FARP2: variants seen among roughly 807,000 people sequenced by gnomAD.
FARP2 encodes the protein FERM, ARH/RhoGEF and pleckstrin domain protein 2.
FARP2 carries 111 observed loss-of-function variants against 130.5 expected under a neutral mutation model. The observed-to-expected ratio is 0.85, with a 90% CI of 0.73 to 1.00. The LOEUF is 1.00. Among genes scored for constraint, FARP2 ranks in the 50% least tolerant of loss-of-function variants. FARP2 has a pLI of 0.00. For synonymous variants in FARP2, 504 were observed against 516.9 expected, an observed-to-expected ratio of 0.98 and a Z score of 0.34; for missense variants, 1,385 against 1,346.3, an observed-to-expected ratio of 1.03 and a Z score of -0.45.
intron 19 of FARP2, among the ~76,000 whole-genome samples, chr2:241,481,233 A>C (rs2064608050): frequency 6.6e-6 from 1 of 152,172 alleles, no homozygotes; most frequent in Admixed American, 6.5e-5. Context: ...AAAACAAAAA[A>C]ATAAATGGAC....
At chr2:241,442,559 A>G (rs1312495987) in intron 13 of FARP2, 1 of 436,568 alleles carries the variant, frequency 2.3e-6, no homozygotes, top group African/African-American at 2.0e-5. Context: ...TTACAAGGCA[A>G]CCCACTCACC....
intron 7 of FARP2, among the ~76,000 whole-genome samples, chr2:241,416,972 CA>C (rs1376757722): frequency 1.3e-5 from 2 of 151,812 alleles, no homozygotes; most frequent in African/African-American, 2.4e-5. Flanking sequence ...TTATAAGACA[CA>C]AGTGTTTCAG....
At chr2:241,386,589 C>T (rs2150320837) in intron 2 of FARP2, among the ~76,000 whole-genome samples, 1 of 152,346 alleles carries the variant, frequency 6.6e-6, no homozygotes, top group East Asian at 1.9e-4. Context: ...GCCCCCTGGG[C>T]ATGTGCAGCT....
At chr2:241,381,798 A>T (rs2061669228) in intron 2 of FARP2, among the ~76,000 whole-genome samples, 1 of 152,202 alleles carries the variant, frequency 6.6e-6, no homozygotes, top group African/African-American at 2.4e-5. Context: ...TTCACAGATT[A>T]TGTGTTCACA....
At chr2:241,436,856 C>T (rs763684853) in intron 12 of FARP2, among the ~76,000 whole-genome samples, 14 of 152,164 alleles carry the variant, frequency 9.2e-5, no homozygotes, top group Middle Eastern at 3.4e-3. Flanking sequence ...ATGATGGTGG[C>T]GCACGGGTAG....
At chr2:241,406,168 C>T (rs560583094) in intron 4 of FARP2, among the ~76,000 whole-genome samples, 1 of 150,458 alleles carries the variant, frequency 6.6e-6, no homozygotes, top group South Asian at 2.1e-4. Flanking sequence ...GGTGTAGGGG[C>T]ATGGTGGGGG....
At chr2:241,372,775 G>GT (rs2061451900) in intron 1 of FARP2, 1 of 161,454 alleles carries the variant, frequency 6.2e-6, no homozygotes, top group African/African-American at 2.4e-5. Flanking sequence ...TGCTGGGTGG[G>GT]TGGGTGGTGG....
In FARP2 at chr2:241,434,573, C is replaced by T. The variant is rs1237930185; in HGVS notation, c.1031+252C>T. Among the ~76,000 whole-genome samples the T allele has an allele frequency of 5.3e-5, 8 of 152,300 alleles. No homozygotes were observed. In the South Asian group the frequency reaches 8.3e-4, roughly 16 times the overall value. Reference sequence around the variant, plus strand: ...ATAACTTTAAAATATGTATGTGGGCCGAGCCCGGTGGCTCACACCTGTAAT... The same window carrying T: ...ATAACTTTAAAATATGTATGTGGGCTGAGCCCGGTGGCTCACACCTGTAAT... On this transcript the variant is annotated intron_variant, in intron 10 of 26. Coordinates refer to ENST00000264042, the MANE Select transcript of FARP2 (RefSeq NM_014808.4).
At chr2:241,473,781 G>T (rs202216111) in intron 18 of FARP2, among the ~76,000 whole-genome samples, 1 of 152,302 alleles carries the variant, frequency 6.6e-6, no homozygotes, top group East Asian at 1.9e-4. Flanking sequence ...GCCAGGGGAT[G>T]GGGGCAGGAG....
At chr2:241,424,121 A>G (rs981464124) in intron 8 of FARP2, among the ~76,000 whole-genome samples, 2 of 152,238 alleles carry the variant, frequency 1.3e-5, no homozygotes, top group African/African-American at 4.8e-5. Context: ...CCTTATAGAT[A>G]GCTACAGAAC....
chr2:241,405,651 C>G (rs1172284849), intron 4 of FARP2, among the ~76,000 whole-genome samples: 1 of 6,170 alleles, frequency 1.6e-4, no homozygotes, highest in African/African-American at 7.7e-4. Flanking sequence ...ATTAATAATA[C>G]TGGCCCGGTG....
rs200802062 is a variant in FARP2, at chr2:241,403,921, C to G, written c.277C>G (p.Gln93Glu). The G allele has an allele frequency of 4.2e-5, 68 of 1,604,718 alleles. No individual in the cohort carries two copies. In the East Asian group the frequency reaches 1.4e-3, roughly 34 times the overall value. ...DYFGMEFQNT[Q>E]SYWIWLEPMK... ...CTTCGGGATGGAGTTTCAAAATACT[C>G]AGTCCTACTGGGTAAGTGCTTATGA... is the stretch of plus-strand genomic sequence containing the variant. The change falls in exon 3 of 27, where the codon CAG becomes GAG. Residue 93 changes from glutamine to glutamate, a missense_variant. Transcript: ENST00000264042.
intron 9 of FARP2, among the ~76,000 whole-genome samples, chr2:241,432,946 G>T (rs2063129273): frequency 6.6e-6 from 1 of 152,188 alleles, no homozygotes. Context: ...AAAGGCACTT[G>T]AGTAGTAGGG....
intron 6 of FARP2, among the ~76,000 whole-genome samples, chr2:241,411,731 A>G (rs113538733): frequency 3.9e-4 from 60 of 152,386 alleles, no homozygotes; most frequent in African/African-American, 1.4e-3. Context: ...GACCACAGCT[A>G]GCACAGAACT....
intron 1 of FARP2, among the ~76,000 whole-genome samples, chr2:241,365,145 A>G (rs576561254): frequency 6.6e-4 from 100 of 152,312 alleles, no homozygotes; most frequent in African/African-American, 2.3e-3. Flanking sequence ...ATCAAAAATT[A>G]TTGCTAGATT....
intron 18 of FARP2, among the ~76,000 whole-genome samples, chr2:241,473,838 A>G (rs1464802145): frequency 1.3e-5 from 2 of 152,218 alleles, no homozygotes; most frequent in African/African-American, 4.8e-5. Context: ...GCCAAGACCT[A>G]TGCTGGCTTC....
intron 18 of FARP2, among the ~76,000 whole-genome samples, chr2:241,472,949 AG>A (rs2064358417): frequency 6.8e-6 from 1 of 147,464 alleles, no homozygotes; most frequent in Admixed American, 6.7e-5. Flanking sequence ...TGCTATTCTG[AG>A]AGGACCCTGT....
intron 13 of FARP2, among the ~76,000 whole-genome samples, chr2:241,452,073 G>C (rs1213100477): frequency 6.6e-6 from 1 of 152,296 alleles, no homozygotes; most frequent in South Asian, 2.1e-4. Context: ...CATGCATTCT[G>C]ATATGCATTA....
chr2:241,377,947 G>A (rs2061575727), intron 2 of FARP2, among the ~76,000 whole-genome samples: 1 of 152,126 alleles, frequency 6.6e-6, no homozygotes, highest in South Asian at 2.1e-4. Flanking sequence ...TTCCAAAGTA[G>A]CTGTGCCATT....
Sources: allele counts gnomAD v4.1 joint callset (sites outside exome capture counted in the v4.1 genomes callset), GRCh38; gene constraint gnomAD v4.1.1; transcripts MANE v1.5; gene names NCBI Gene and HGNC (gene_info 2026-07-23, HGNC 2026-07-21).